Variants in ZBTB20 observed in about 807,000 individuals in gnomAD.
The protein encoded by ZBTB20 is zinc finger and BTB domain containing 20, also known as zinc finger and BTB domain-containing protein 20.
A neutral mutation model predicts 56.9 loss-of-function variants in ZBTB20; 9 were observed. The ratio of observed to expected loss-of-function variants is 0.16; its 90% CI spans 0.10 to 0.28. The LOEUF (loss-of-function observed/expected upper bound fraction) is 0.28. Among genes scored for constraint, ZBTB20 ranks in the 10% least tolerant of loss-of-function variants. ZBTB20 has a pLI of 1.00. For missense variants in ZBTB20, 655 were observed against 1,003.0 expected (o/e 0.65, Z 4.69); for synonymous variants, 417 against 420.7 (o/e 0.99, Z 0.11).
intron 1 of ZBTB20, among the ~76,000 whole-genome samples, chr3:115,136,328 A>G (rs997928315): frequency 6.6e-6 from 1 of 152,170 alleles, no homozygotes; most frequent in African/African-American, 2.4e-5. Flanking sequence ...CGGATAGCCT[A>G]GTAAGGAAAA....
chr3:114,614,296 T>G (rs192048582), intron 6 of ZBTB20, among the ~76,000 whole-genome samples: 33 of 152,172 alleles, frequency 2.2e-4, no homozygotes, highest in Non-Finnish European at 7.3e-5. Context: ...AGTATTGGGG[T>G]AACATATATC....
intron 7 of ZBTB20, among the ~76,000 whole-genome samples, chr3:114,476,253 GT>G (rs1400154774): frequency 6.6e-6 from 1 of 152,018 alleles, no homozygotes; most frequent in East Asian, 1.9e-4. Flanking sequence ...CTTATTTCCA[GT>G]TTTATAATAC....
chr3:114,589,945 CAT>C (rs1213578461), intron 6 of ZBTB20, among the ~76,000 whole-genome samples: 2 of 152,144 alleles, frequency 1.3e-5, no homozygotes, highest in East Asian at 3.9e-4. Flanking sequence ...ACCACCAACA[CAT>C]GTTAACTTCA....
intron 2 of ZBTB20, among the ~76,000 whole-genome samples, chr3:114,988,951 T>C (rs540541425): frequency 3.0e-4 from 46 of 152,318 alleles, no homozygotes; most frequent in Admixed American, 1.3e-3. Flanking sequence ...TGGAGTTGTT[T>C]GTTTTCTTCT....
chr3:114,442,123 G>T (rs1367983035), intron 7 of ZBTB20, among the ~76,000 whole-genome samples: 1 of 152,128 alleles, frequency 6.6e-6, no homozygotes, highest in Non-Finnish European at 1.5e-5. Flanking sequence ...GGAAATGTCA[G>T]TTTCCCCCTT....
At chr3:114,364,334 C>T (rs116257169) in intron 10 of ZBTB20, among the ~76,000 whole-genome samples, 2,458 of 152,250 alleles carry the variant, frequency 0.016, 28 homozygotes, top group African/African-American at 0.038. Context: ...GCCTATAATT[C>T]GAGCTACTCA....
At chr3:114,501,582 C>T (rs1455536354) in intron 6 of ZBTB20, among the ~76,000 whole-genome samples, 3 of 143,900 alleles carry the variant, frequency 2.1e-5, no homozygotes, top group African/African-American at 7.8e-5. Flanking sequence ...GCCCACATCA[C>T]GCCACTGCAC....
chr3:115,137,816 C>G (rs1576833610), intron 1 of ZBTB20, among the ~76,000 whole-genome samples: 1 of 152,056 alleles, frequency 6.6e-6, no homozygotes, highest in South Asian at 2.1e-4. Flanking sequence ...GTTCCTAGAA[C>G]AGTGATTTCC....
At chr3:114,575,735 C>T (rs2053946126) in intron 6 of ZBTB20, among the ~76,000 whole-genome samples, 1 of 151,962 alleles carries the variant, frequency 6.6e-6, no homozygotes, top group South Asian at 2.1e-4. Flanking sequence ...ACTGTATTTG[C>T]CAAATGAAAA....
intron 6 of ZBTB20, among the ~76,000 whole-genome samples, chr3:114,510,917 TC>T (rs2045294522): frequency 6.6e-6 from 1 of 152,014 alleles, no homozygotes; most frequent in East Asian, 1.9e-4. Flanking sequence ...AGGAACAGAC[TC>T]ATGTTTTTCC....
intron 6 of ZBTB20, among the ~76,000 whole-genome samples, chr3:114,636,226 T>C (rs986946960): frequency 2.0e-5 from 3 of 152,108 alleles, no homozygotes; most frequent in African/African-American, 7.2e-5. Flanking sequence ...GTAAAGACTT[T>C]CCTAGACAAA....
intron 6 of ZBTB20, among the ~76,000 whole-genome samples, chr3:114,680,659 T>C (rs977087296): frequency 6.6e-6 from 1 of 152,242 alleles, no homozygotes; most frequent in African/African-American, 2.4e-5. Context: ...AATTAAAAGC[T>C]GCTTTATGAA....
intron 5 of ZBTB20, among the ~76,000 whole-genome samples, chr3:114,752,428 CA>C (rs2067638710): frequency 6.6e-6 from 1 of 152,112 alleles, no homozygotes; most frequent in African/African-American, 2.4e-5. Flanking sequence ...CACTATCTGC[CA>C]ATTAAAATGC....
At chr3:114,458,457 T>C (rs1413124221) in intron 7 of ZBTB20, among the ~76,000 whole-genome samples, 2 of 152,198 alleles carry the variant, frequency 1.3e-5, no homozygotes, top group Non-Finnish European at 2.9e-5. Flanking sequence ...AGCTTTTTGT[T>C]TGGCAATGAA....
intron 7 of ZBTB20, among the ~76,000 whole-genome samples, chr3:114,427,627 T>A (rs2089789774): frequency 6.6e-6 from 1 of 151,976 alleles, no homozygotes; most frequent in South Asian, 2.1e-4. Flanking sequence ...TGTGCAAGAC[T>A]TGCCCACCCC....
chr3:114,997,437 A>G (rs760142562), intron 2 of ZBTB20, among the ~76,000 whole-genome samples: 1 of 151,882 alleles, frequency 6.6e-6, no homozygotes, highest in Non-Finnish European at 1.5e-5. Context: ...CAGTAACATG[A>G]TTAGTATAAT....
intron 4 of ZBTB20, among the ~76,000 whole-genome samples, chr3:114,890,633 G>C (rs1201993098): frequency 1.3e-5 from 2 of 152,090 alleles, no homozygotes; most frequent in African/African-American, 4.8e-5. Flanking sequence ...ATTGCATTAG[G>C]AGATGTACCT....
At chr3:114,638,592 A>C (rs1394951081) in intron 6 of ZBTB20, among the ~76,000 whole-genome samples, 1 of 152,108 alleles carries the variant, frequency 6.6e-6, no homozygotes, top group Admixed American at 6.6e-5. Context: ...CTTCATAAAC[A>C]TTCATTTGCT....
At chr3:114,486,966 G>A (rs2042214473) in intron 7 of ZBTB20, among the ~76,000 whole-genome samples, 1 of 152,032 alleles carries the variant, frequency 6.6e-6, no homozygotes, top group Non-Finnish European at 1.5e-5. Flanking sequence ...TGTAAAAGAA[G>A]AACCCTGATA....
Sources: allele counts gnomAD v4.1 joint callset (sites outside exome capture counted in the v4.1 genomes callset), GRCh38; gene constraint gnomAD v4.1.1; transcripts MANE v1.5; gene names NCBI Gene and HGNC (gene_info 2026-07-23, HGNC 2026-07-21).